Variants in SARDH observed in about 807,000 individuals in gnomAD.
SARDH encodes sarcosine dehydrogenase, mitochondrial.
Under a neutral mutation model 109.1 loss-of-function variants are expected in SARDH, and 95 were observed. The observed-to-expected ratio is 0.87, with a 90% CI of 0.74 to 1.03. SARDH has a LOEUF of 1.03. Among genes scored for constraint, SARDH ranks in the 50% least tolerant of loss-of-function variants. The pLI is 0.00. For synonymous variants in SARDH, 572 were observed against 534.8 expected (o/e 1.07, Z -0.96); for missense variants, 1,267 against 1,287.8 (o/e 0.98, Z 0.25).
intron 4 of SARDH, among the ~76,000 whole-genome samples, chr9:133,730,936 C>T (rs59957179): frequency 1.7e-3 from 254 of 152,284 alleles, no homozygotes; most frequent in African/African-American, 5.8e-3. Context: ...GTGATCATGC[C>T]ACTGCACTAC....
intron 6 of SARDH, among the ~76,000 whole-genome samples, chr9:133,727,317 C>T (rs1317919360): frequency 1.3e-5 from 2 of 152,238 alleles, no homozygotes; most frequent in Admixed American, 6.5e-5. Context: ...GAGACCTGAG[C>T]CCTCACCTGC....
chr9:133,667,202 T>G lies in SARDH; in HGVS notation c.2496-332A>C, dbSNP rs866585870. The G allele has an allele frequency of 8.7e-3, 4,021 of 460,302 alleles. 64 individuals are homozygous for G. The highest frequency in any genetic ancestry group is 0.05 in the African/African-American group (2,470 of 49,898). The allele number at this position is 460,302 out of a possible 1,614,324, so 28.5% of individuals were successfully genotyped here. On this transcript the variant is annotated intron_variant, in intron 19 of 20. Transcript: ENST00000439388. ...ATTGTTGTTCAACTCTGGTTTTTTT[T>G]TTTTTTTTTTTTTTGGTGCAGTGGC...
chr9:133,703,122 C>G (rs1325819609), intron 12 of SARDH, 93 bp from the exon 13 acceptor site: 6 of 1,111,668 alleles, frequency 5.4e-6, no homozygotes, highest in Non-Finnish European at 5.3e-6. Flanking sequence ...GTGATGGGGT[C>G]AGGCCTGGCC....
Position 133,729,820 on chromosome 9 carries a change from G to A in SARDH, c.860C>T (p.Pro287Leu), listed in dbSNP as rs149481147. The A allele has an allele frequency of 8.7e-5, 140 of 1,612,588 alleles. 1 individual carries two copies. Among genetic ancestry groups the A allele is most frequent in the Middle Eastern group, 1.6e-4 (1 of 6,062 alleles). ...ATAGGCATGGTGCATGGCCACCAGC[G>A]GGACCTTGACTCCAGCCATCCGGCC... ...AVGRMAGVKVPLVAMHHAYVV... is the reference protein window; with the variant it reads ...AVGRMAGVKVLLVAMHHAYVV... The change falls in exon 6 of 21, where the codon CCG becomes CTG. Residue 287 changes from proline (P) to leucine (L), a missense_variant. By Grantham distance (98) the Pro-to-Leu change is moderately conservative. Coordinates refer to ENST00000439388, the MANE Select transcript of SARDH (RefSeq NM_001134707.2).
At chr9:133,664,131 A>C in intron 20 of SARDH, 117 bp from the exon 21 acceptor site, 28 of 1,363,924 alleles carry the variant, frequency 2.1e-5, no homozygotes, top group Non-Finnish European at 2.6e-5. Flanking sequence ...GGGCAAACTC[A>C]TCCCTGTGCC....
chr9:133,717,099 T>A (rs1832150981), intron 8 of SARDH, among the ~76,000 whole-genome samples: 1 of 152,172 alleles, frequency 6.6e-6, no homozygotes, highest in Non-Finnish European at 1.5e-5. Context: ...CCTGGCCTCG[T>A]GCTTGGGGCA....
At chr9:133,665,062 G>A (rs532754344) in intron 20 of SARDH, among the ~76,000 whole-genome samples, 1 of 152,258 alleles carries the variant, frequency 6.6e-6, no homozygotes. Context: ...AACCAGCTCT[G>A]GGGTGAGGTG....
At chr9:133,729,959 C>T in intron 5 of SARDH, 94 bp from the exon 6 acceptor site, 3 of 1,589,398 alleles carry the variant, frequency 1.9e-6, no homozygotes, top group Non-Finnish European at 2.6e-6. Context: ...CCTGTCTGCC[C>T]TAGCAGGGGC....
chr9:133,667,136 C>G (rs1830101873), intron 19 of SARDH: 1 of 578,734 alleles, frequency 1.7e-6, no homozygotes, highest in Admixed American at 3.1e-5. Flanking sequence ...CAGAAGCGAG[C>G]CCCGTATATT....
At chr9:133,715,284 C>T (rs1341620411) in intron 8 of SARDH, among the ~76,000 whole-genome samples, 1 of 152,190 alleles carries the variant, frequency 6.6e-6, no homozygotes, top group South Asian at 2.1e-4. Flanking sequence ...AATAGGGCTT[C>T]GTGGGGAGTA....
chr9:133,707,656 T>C (rs1831741224), intron 11 of SARDH, among the ~76,000 whole-genome samples: 1 of 151,968 alleles, frequency 6.6e-6, no homozygotes, highest in South Asian at 2.1e-4. Context: ...CCAGAGTGCC[T>C]AGGACATAGC....
In SARDH at chr9:133,717,464, G is replaced by T; in HGVS notation, c.1021-9C>A. On this transcript the variant is annotated splice_polypyrimidine_tract_variant and intron_variant, in intron 7 of 20. Transcript: ENST00000439388. ...GCAAACTTGTCTGACACCTGCCAAG[G>T]CAGGGCAGGGGAACATCTCCGTTGT... is the stretch of plus-strand genomic sequence containing the variant. 6.2e-7 allele frequency: 1 copy of T among 1,613,940 alleles called. No individual in the cohort carries two copies. The highest frequency in any genetic ancestry group is 1.1e-5 in the South Asian group (1 of 91,062).
rs564071861 is a variant in SARDH at position 133,696,427 on chromosome 9, G to A, written c.1669-66C>T. 6.7e-4 allele frequency: 1,073 copies of A among 1,605,294 alleles called. 1 individual carries two copies. Among genetic ancestry groups the A allele is most frequent in the Non-Finnish European group, 8.6e-4 (1,013 of 1,173,768 alleles). On this transcript the variant is annotated intron_variant, in intron 13 of 20. Coordinates refer to ENST00000439388, the MANE Select transcript of SARDH (RefSeq NM_001134707.2). ...TGGGGTGTGCTTCTTCCTCAAGAAC[G>A]TGGAGAACGGGGGCTGTGTCCAACA...
At chr9:133,673,552 G>A (rs1168376285) in intron 17 of SARDH, among the ~76,000 whole-genome samples, 3 of 152,234 alleles carry the variant, frequency 2.0e-5, no homozygotes, top group Non-Finnish European at 4.4e-5. Context: ...TCACATGGCC[G>A]CCGAGGGGCT....
rs189052956 is a variant in SARDH at position 133,690,460 on chromosome 9, C to T, written c.1989G>A (p.Val663=). The part of the protein sequence containing the change: ...AQHNWSHITT[V]LQDQKSQCQL... ...GGCACTGGGACTTCTGGTCCTGCAG[C>T]ACGGTGGTGATGTGGGACCAGTTGT... The change falls in exon 16 of 21, where the codon GTG becomes GTA. Residue 663 remains valine (V), a synonymous_variant. Transcript: ENST00000439388. 1 of 1,612,618 alleles carries T rather than the reference C, an allele frequency of 6.2e-7. No individual in the cohort carries two copies. Among genetic ancestry groups the T allele is most frequent in the Admixed American group, 1.7e-5 (1 of 60,024 alleles).
chr9:133,688,478 C>T (rs1394541773), intron 16 of SARDH, among the ~76,000 whole-genome samples: 1 of 152,196 alleles, frequency 6.6e-6, no homozygotes, highest in Admixed American at 6.5e-5. Context: ...ATCCCTGCCT[C>T]GCCTGGCCTG....
In SARDH at chr9:133,718,713, T is replaced by G. The variant is rs1375865928; in HGVS notation, c.1020+225A>C. The G allele has an allele frequency of 1.3e-6, 1 of 779,702 alleles. No individual in the cohort carries two copies. The highest frequency in any genetic ancestry group is 1.7e-5 in the Admixed American group (1 of 59,038). The allele number at this position is 779,702 out of a possible 1,614,324, so 48.3% of individuals were successfully genotyped here. ...CTGCGCAGACCTTCTCTGTGGATGT[T>G]TTGAGGCAAAGCCCTCCAGCTGCCC... is the stretch of plus-strand genomic sequence containing the variant. On this transcript the variant is annotated intron_variant, in intron 7 of 20. Coordinates refer to ENST00000439388, the MANE Select transcript of SARDH (RefSeq NM_001134707.2). This position sits in a 1 kb window ranked among gnomAD's most constrained non-coding sequence, Gnocchi z 4.2.
At chr9:133,713,409 G>A (rs1049551164) in intron 8 of SARDH, among the ~76,000 whole-genome samples, 8 of 152,168 alleles carry the variant, frequency 5.3e-5, no homozygotes, top group Admixed American at 3.3e-4. Context: ...TTGTCCTGCC[G>A]ACAAGGAGCC....
chr9:133,671,814 G>A, intron 17 of SARDH, 117 bp from the exon 18 acceptor site: 2 of 1,268,210 alleles, frequency 1.6e-6, no homozygotes, highest in African/African-American at 3.0e-5. Flanking sequence ...CTGGCCCTGG[G>A]TCCCAGCCAG....
Sources: allele counts gnomAD v4.1 joint callset (sites outside exome capture counted in the v4.1 genomes callset), GRCh38; gene constraint gnomAD v4.1.1; non-coding constraint Gnocchi (gnomAD v3.1); transcripts MANE v1.5; gene names NCBI Gene and HGNC (gene_info 2026-07-23, HGNC 2026-07-21).